The following TMEFF1 variants were observed in gnomAD, a reference collection of about 807,000 sequenced individuals.
TMEFF1 encodes tomoregulin-1.
Under a neutral mutation model 47.5 loss-of-function variants are expected in TMEFF1, and 20 were observed. The ratio of observed to expected loss-of-function variants is 0.42; its 90% CI spans 0.30 to 0.61. TMEFF1 has a LOEUF of 0.61. Among genes scored for constraint, TMEFF1 ranks in the 20% least tolerant of loss-of-function variants. The pLI, the probability that TMEFF1 is intolerant of heterozygous loss-of-function variation, is 0.19. For synonymous variants in TMEFF1, 162 were observed against 166.3 expected (o/e 0.97, Z 0.20); for missense variants, 411 against 471.1 (o/e 0.87, Z 1.18).
At chr9:100,478,714 CAT>C (rs1057320795) in intron 1 of TMEFF1, among the ~76,000 whole-genome samples, 1 of 151,246 alleles carries the variant, frequency 6.6e-6, no homozygotes, top group Non-Finnish European at 1.5e-5. Flanking sequence ...AAATACATGA[CAT>C]ATGTGAAGAA....
chr9:100,535,399 A>G (rs1297606600), intron 5 of TMEFF1, among the ~76,000 whole-genome samples: 1 of 152,246 alleles, frequency 6.6e-6, no homozygotes, highest in Non-Finnish European at 1.5e-5. Context: ...TATTGAAAGG[A>G]AAGAAGCACT....
chr9:100,535,388 A>G (rs1838483212), intron 5 of TMEFF1, among the ~76,000 whole-genome samples: 1 of 152,172 alleles, frequency 6.6e-6, no homozygotes, highest in South Asian at 2.1e-4. Context: ...CCTTGGGGGC[A>G]TATTGAAAGG....
intron 8 of TMEFF1, among the ~76,000 whole-genome samples, chr9:100,569,742 G>A (rs969681952): frequency 1.3e-5 from 2 of 152,108 alleles, no homozygotes; most frequent in Admixed American, 1.3e-4. Context: ...ATTGTGAAAT[G>A]TCCAATCAAG....
intron 8 of TMEFF1, among the ~76,000 whole-genome samples, chr9:100,566,799 G>A (rs1024413564): frequency 1.3e-5 from 2 of 151,974 alleles, no homozygotes; most frequent in African/African-American, 4.8e-5. Flanking sequence ...CCACCTCCTG[G>A]GTTCAAATGA....
At chr9:100,557,126 A>G (rs1017200430) in intron 7 of TMEFF1, among the ~76,000 whole-genome samples, 2 of 151,126 alleles carry the variant, frequency 1.3e-5, no homozygotes, top group African/African-American at 4.9e-5. Flanking sequence ...TAATATCTTT[A>G]TTGAGATTCC....
intron 1 of TMEFF1, among the ~76,000 whole-genome samples, chr9:100,491,883 T>C (rs1380791703): frequency 8.0e-6 from 1 of 124,636 alleles, no homozygotes; most frequent in Non-Finnish European, 1.6e-5. Context: ...GTTTCTTTCC[T>C]TTTTTTTTTT....
Position 100,492,866 on chromosome 9 carries a change from T to C in TMEFF1, c.197-5899T>C, listed in dbSNP as rs573467235. On this transcript the variant is annotated intron_variant, in intron 1 of 9. Transcript: ENST00000374879. Reference sequence around the variant, plus strand: ...GGCCTGCTGGAGGTTAAGGTACTATTAAAGGTGGGGGATTTAACATAAACT... The same window carrying C: ...GGCCTGCTGGAGGTTAAGGTACTATCAAAGGTGGGGGATTTAACATAAACT... Among the ~76,000 whole-genome samples the C allele has an allele frequency of 2.0e-5, 3 of 152,172 alleles. No individual in the cohort carries two copies. In the South Asian group the frequency reaches 6.3e-4, roughly 32 times the overall value.
At chr9:100,507,475 C>T (rs1002730910) in intron 2 of TMEFF1, among the ~76,000 whole-genome samples, 1 of 152,140 alleles carries the variant, frequency 6.6e-6, no homozygotes, top group Admixed American at 6.5e-5. Flanking sequence ...ACATTCCCAC[C>T]TGTGTAGCAT....
chr9:100,576,602 C>G lies in TMEFF1; in HGVS notation c.*2C>G. On this transcript the variant is annotated 3_prime_UTR_variant, in exon 10 of 10. Coordinates refer to ENST00000374879, the MANE Select transcript of TMEFF1 (RefSeq NM_003692.5). ...GATACGTCATCCAGAATGGTTTAAA[C>G]TGATGACTTTTATATGTACACTGAC... 1 of 1,610,754 alleles carries G rather than the reference C, an allele frequency of 6.2e-7. No homozygotes were observed. Among genetic ancestry groups the G allele is most frequent in the Admixed American group, 1.7e-5 (1 of 59,242 alleles).
chr9:100,561,562 A>G (rs766543389), intron 8 of TMEFF1, 42 bp downstream of exon 8: 12 of 1,586,046 alleles, frequency 7.6e-6, no homozygotes, highest in Admixed American at 1.8e-5. Flanking sequence ...ATTTTTTTTC[A>G]TCAATGGTTG....
chr9:100,514,714 G>T (rs1008106221), intron 4 of TMEFF1, among the ~76,000 whole-genome samples: 5 of 150,876 alleles, frequency 3.3e-5, no homozygotes, highest in African/African-American at 1.2e-4. Flanking sequence ...AAAACAAAAG[G>T]CCGGGCACAG....
chr9:100,496,630 T>C (rs1323168155), intron 1 of TMEFF1, among the ~76,000 whole-genome samples: 2 of 152,206 alleles, frequency 1.3e-5, no homozygotes, highest in African/African-American at 4.8e-5. Context: ...TCCTTGGGGT[T>C]ACCAAATGTG....
chr9:100,489,960 T>A (rs1837518898), intron 1 of TMEFF1, among the ~76,000 whole-genome samples: 2 of 152,046 alleles, frequency 1.3e-5, no homozygotes, highest in Admixed American at 1.3e-4. Context: ...CATCTGATCT[T>A]ACAGTAGTTT....
chr9:100,504,562 T>G (rs1463417282), intron 2 of TMEFF1, among the ~76,000 whole-genome samples: 2 of 152,218 alleles, frequency 1.3e-5, no homozygotes, highest in Non-Finnish European at 2.9e-5. Context: ...TAGCTAATGT[T>G]TATTGAGAAT....
At chr9:100,521,336 T>A (rs535918115) in intron 5 of TMEFF1, among the ~76,000 whole-genome samples, 24 of 152,294 alleles carry the variant, frequency 1.6e-4, no homozygotes, top group African/African-American at 5.8e-4. Context: ...TTTGTGACAG[T>A]TATGTTCGTT....
At chr9:100,532,607 T>C (rs1838409342) in intron 5 of TMEFF1, among the ~76,000 whole-genome samples, 2 of 151,662 alleles carry the variant, frequency 1.3e-5, no homozygotes, top group African/African-American at 4.8e-5. Context: ...GGAGAGGATG[T>C]GGAGAAATAG....
intron 1 of TMEFF1, among the ~76,000 whole-genome samples, chr9:100,483,065 A>G (rs554544072): frequency 4.6e-5 from 7 of 151,948 alleles, no homozygotes; most frequent in Non-Finnish European, 1.0e-4. Flanking sequence ...ATGTTTCTTT[A>G]ACTCCATTGT....
At chr9:100,516,604 C>T (rs1838078235) in intron 4 of TMEFF1, 71 bp from the exon 5 acceptor site, 1 of 1,555,742 alleles carries the variant, frequency 6.4e-7, no homozygotes, top group East Asian at 2.3e-5. Context: ...ATAATGACTG[C>T]TGAAAACATG....
chr9:100,474,532 C>T (rs1217950589), intron 1 of TMEFF1, among the ~76,000 whole-genome samples: 2 of 151,962 alleles, frequency 1.3e-5, no homozygotes, highest in Non-Finnish European at 2.9e-5. Flanking sequence ...TGCCCTATAG[C>T]GAACCCCATT....
Sources: gnomAD v4.1 joint callset for allele counts (sites outside exome capture counted in the v4.1 genomes callset) on GRCh38, gnomAD v4.1.1 for gene constraint, MANE v1.5 for transcripts, NCBI Gene and HGNC (gene_info 2026-07-23, HGNC 2026-07-21) for gene names.